The following ATRNL1 variants were observed in gnomAD, a reference collection of about 807,000 sequenced individuals.
ATRNL1 encodes the protein attractin like 1, also known as attractin-like protein 1.
A neutral mutation model predicts 182.7 loss-of-function variants in ATRNL1; 95 were observed. The observed-to-expected ratio is 0.52, with a 90% CI of 0.44 to 0.62. The LOEUF is 0.62. Ranked by LOEUF, ATRNL1 falls within the 20% of genes least tolerant of loss-of-function variation. ATRNL1 has a pLI of 0.00. For synonymous variants in ATRNL1, 576 were observed against 568.3 expected (o/e 1.01, Z -0.19); for missense variants, 1,471 against 1,679.5 (o/e 0.88, Z 2.17).
At chr10:115,193,900 C>G (rs138735291) in intron 8 of ATRNL1, among the ~76,000 whole-genome samples, 39 of 151,558 alleles carry the variant, frequency 2.6e-4, no homozygotes, top group African/African-American at 8.5e-4. Flanking sequence ...CTGTTTGTCT[C>G]CATTTTCGTT....
intron 19 of ATRNL1, among the ~76,000 whole-genome samples, chr10:115,358,427 A>AT (rs1229252749): frequency 9.9e-5 from 15 of 151,460 alleles, no homozygotes; most frequent in African/African-American, 3.6e-4. Flanking sequence ...TTCATATTCT[A>AT]TCATATCTTT....
At position 115,340,653 on chromosome 10, in the gene ATRNL1, ACC is replaced by A. The variant is rs1156695771; in HGVS notation, c.3175+6237_3175+6238del. On this transcript the variant is annotated intron_variant, in intron 19 of 28. Coordinates refer to ENST00000355044, the MANE Select transcript of ATRNL1 (RefSeq NM_207303.4). ...TAGAATTCAGCTGTGAAGCCATCAGACCCCAGGCTTTTCTTTATTGGGAAACT... is the reference window on the plus strand; with the variant it reads ...TAGAATTCAGCTGTGAAGCCATCAGACCAGGCTTTTCTTTATTGGGAAACT... Among the ~76,000 whole-genome samples the A allele has an allele frequency of 9.4e-5, 14 of 149,366 alleles. 1 individual carries two copies. The highest frequency in any genetic ancestry group is 3.0e-5 in the Non-Finnish European group (2 of 67,464).
intron 25 of ATRNL1, among the ~76,000 whole-genome samples, chr10:115,547,599 AT>A (rs1554994182): frequency 1.3e-5 from 2 of 152,186 alleles, no homozygotes; most frequent in African/African-American, 4.8e-5. Flanking sequence ...CATGAAGTGA[AT>A]TTTAAGGAAT....
intron 26 of ATRNL1, among the ~76,000 whole-genome samples, chr10:115,593,718 T>G (rs957784773): frequency 6.6e-6 from 1 of 152,202 alleles, no homozygotes; most frequent in Non-Finnish European, 1.5e-5. Context: ...ATGATATAAT[T>G]GAACAATTGT....
At chr10:115,165,674 C>G in intron 7 of ATRNL1, 29 bp downstream of exon 7, 1 of 1,370,622 alleles carries the variant, frequency 7.3e-7, no homozygotes, top group Non-Finnish European at 9.9e-7. Context: ...AAATTTTAAT[C>G]AGATTTTGTT....
At chr10:115,783,843 T>C (rs1403951998) in intron 27 of ATRNL1, among the ~76,000 whole-genome samples, 1 of 152,008 alleles carries the variant, frequency 6.6e-6, no homozygotes, top group Non-Finnish European at 1.5e-5. Flanking sequence ...TGTAACCCCG[T>C]CTCTACTAAA....
chr10:115,606,013 A>AT (rs880001564), intron 26 of ATRNL1, among the ~76,000 whole-genome samples: 11 of 151,994 alleles, frequency 7.2e-5, no homozygotes, highest in Non-Finnish European at 1.5e-4. Flanking sequence ...ATAGGGAGAA[A>AT]AAGAAGAAAA....
intron 8 of ATRNL1, among the ~76,000 whole-genome samples, chr10:115,199,794 T>G (rs1848491818): frequency 6.6e-6 from 1 of 152,128 alleles, no homozygotes; most frequent in African/African-American, 2.4e-5. Context: ...GCTTTTTCAG[T>G]AAACTATTTT....
rs146781911 is a variant in ATRNL1 at position 115,596,030 on chromosome 10, G to A, written c.3795+46494G>A. 1.6e-3 allele frequency among the ~76,000 whole-genome samples: 243 copies of A among 152,206 alleles called. 1 individual carries two copies. Among genetic ancestry groups the A allele is most frequent in the African/African-American group, 5.6e-3 (232 of 41,536 alleles). ...AGAAAACAGGTATGAGCTATAGTAA[G>A]TGTTATTCGTAAAAGTTACATAATG... On this transcript the variant is annotated intron_variant, in intron 26 of 28. Transcript: ENST00000355044.
At chr10:115,129,681 T>C (rs1845138465) in intron 5 of ATRNL1, 146 bp downstream of exon 5, 1 of 617,684 alleles carries the variant, frequency 1.6e-6, no homozygotes, top group Admixed American at 3.5e-5. Flanking sequence ...AGATTAATAA[T>C]CAACTTCTTA....
chr10:115,397,021 C>T (rs191180347), intron 20 of ATRNL1, among the ~76,000 whole-genome samples: 25 of 151,882 alleles, frequency 1.6e-4, no homozygotes. Flanking sequence ...TATTTGTACA[C>T]AGAATTCCAT....
At chr10:115,710,531 G>T (rs1947033167) in intron 26 of ATRNL1, among the ~76,000 whole-genome samples, 1 of 152,110 alleles carries the variant, frequency 6.6e-6, no homozygotes, top group Non-Finnish European at 1.5e-5. Context: ...TCCACTGAAA[G>T]CTGAAGATGT....
intron 26 of ATRNL1, among the ~76,000 whole-genome samples, chr10:115,569,999 A>G (rs1854297850): frequency 6.6e-6 from 1 of 152,114 alleles, no homozygotes; most frequent in African/African-American, 2.4e-5. Context: ...GGAGCTAGCT[A>G]GCTTTCTGCT....
At chr10:115,377,514 A>G (rs1857742801) in intron 19 of ATRNL1, among the ~76,000 whole-genome samples, 1 of 152,162 alleles carries the variant, frequency 6.6e-6, no homozygotes, top group Admixed American at 6.5e-5. Flanking sequence ...AAGCATCTTT[A>G]GCATCATTAT....
At chr10:115,583,240 G>T (rs1428302532) in intron 26 of ATRNL1, among the ~76,000 whole-genome samples, 1 of 137,362 alleles carries the variant, frequency 7.3e-6, no homozygotes, top group East Asian at 2.4e-4. Context: ...CTCTTTTTTG[G>T]TTCCATATGA....
intron 28 of ATRNL1, among the ~76,000 whole-genome samples, chr10:115,912,005 A>G (rs1458112353): frequency 6.6e-6 from 1 of 152,186 alleles, no homozygotes; most frequent in Non-Finnish European, 1.5e-5. Context: ...GCGCTAACAC[A>G]AGACTATTCA....
chr10:115,844,695 G>A (rs1173366490), intron 27 of ATRNL1, among the ~76,000 whole-genome samples: 6 of 152,006 alleles, frequency 3.9e-5, no homozygotes, highest in Non-Finnish European at 2.9e-5. Flanking sequence ...GTAACTGTCA[G>A]TGATGTTTTC....
intron 27 of ATRNL1, among the ~76,000 whole-genome samples, chr10:115,755,748 C>A (rs945057299): frequency 2.6e-5 from 4 of 152,150 alleles, no homozygotes; most frequent in Admixed American, 1.3e-4. Flanking sequence ...GGAATGGTAC[C>A]AGCTCCTCTT....
chr10:115,902,013 C>A (rs558355747), intron 28 of ATRNL1, among the ~76,000 whole-genome samples: 2 of 152,122 alleles, frequency 1.3e-5, no homozygotes. Context: ...TTCTTTTTCA[C>A]ATTTGCACGC....
Sources: gnomAD v4.1 joint callset for allele counts (sites outside exome capture counted in the v4.1 genomes callset) on GRCh38, gnomAD v4.1.1 for gene constraint, MANE v1.5 for transcripts, NCBI Gene and HGNC (gene_info 2026-07-23, HGNC 2026-07-21) for gene names.